PREX2: variants seen among roughly 807,000 people sequenced by gnomAD.
PREX2 encodes phosphatidylinositol 3,4,5-trisphosphate-dependent Rac exchanger 2 protein.
A neutral mutation model predicts 203.2 loss-of-function variants in PREX2; 107 were observed. The observed-to-expected ratio is 0.53, with a 90% CI of 0.45 to 0.62. PREX2 has a LOEUF of 0.62. Ranked by LOEUF, PREX2 falls within the 20% of genes least tolerant of loss-of-function variation. The pLI is 0.00. For synonymous variants in PREX2, 672 were observed against 663.6 expected, an observed-to-expected ratio of 1.01 and a Z score of -0.19; for missense variants, 1,777 against 1,955.9, an observed-to-expected ratio of 0.91 and a Z score of 1.72.
At chr8:68,188,788 C>T (rs1812239838) in intron 35 of PREX2, among the ~76,000 whole-genome samples, 1 of 152,036 alleles carries the variant, frequency 6.6e-6, no homozygotes, top group African/African-American at 2.4e-5. Flanking sequence ...TCCATCTGGC[C>T]CCACCCTTGA....
chr8:68,191,744 A>G lies in PREX2; in HGVS notation c.4369A>G (p.Asn1457Asp). The G allele has an allele frequency of 6.2e-7, 1 of 1,611,054 alleles. No individual in the cohort carries two copies. Reference sequence around the variant, plus strand: ...CAGGGCATTCTACTTGGACAAGTCAAATTCACCACCAAACTCCACATCCAA... The same window carrying G: ...CAGGGCATTCTACTTGGACAAGTCAGATTCACCACCAAACTCCACATCCAA... The part of the protein sequence containing the change: ...KLRAFYLDKS[N>D]SPPNSTSKAA... Residue 1457 changes from asparagine (N) to aspartate (D), a missense_variant, in exon 36 of 40, where the codon AAT becomes GAT. Coordinates refer to ENST00000288368, the MANE Select transcript of PREX2 (RefSeq NM_024870.4).
At chr8:68,060,275 T>G (rs1345419182) in intron 10 of PREX2, among the ~76,000 whole-genome samples, 1 of 152,214 alleles carries the variant, frequency 6.6e-6, no homozygotes, top group Non-Finnish European at 1.5e-5. Flanking sequence ...TAGCTCTTTA[T>G]ATTAAGTTAT....
intron 8 of PREX2, among the ~76,000 whole-genome samples, chr8:68,052,099 GAACAA>G (rs1808541625): frequency 6.6e-6 from 1 of 152,086 alleles, no homozygotes. Flanking sequence ...AGAAAAAAAA[GAACAA>G]AACAAGCAAA....
intron 23 of PREX2, chr8:68,106,247 T>A: frequency 2.1e-6 from 1 of 482,362 alleles, no homozygotes; most frequent in South Asian, 1.6e-5. Context: ...GGGTGCCTTG[T>A]GAGACTTTTA....
chr8:68,089,935 A>G (rs1809817241), intron 19 of PREX2, among the ~76,000 whole-genome samples: 1 of 152,224 alleles, frequency 6.6e-6, no homozygotes. Flanking sequence ...CTCACTGGTT[A>G]GGATATGTTA....
At chr8:68,209,788 C>G (rs1167974282) in intron 37 of PREX2, among the ~76,000 whole-genome samples, 2 of 152,116 alleles carry the variant, frequency 1.3e-5, no homozygotes. Context: ...GCAAGTGAAT[C>G]AAAATGAGTT....
chr8:68,124,414 C>T (rs573610510), intron 30 of PREX2, among the ~76,000 whole-genome samples: 1 of 152,042 alleles, frequency 6.6e-6, no homozygotes, highest in Non-Finnish European at 1.5e-5. Flanking sequence ...CACATGTTCT[C>T]ATTTATAAGT....
intron 35 of PREX2, among the ~76,000 whole-genome samples, chr8:68,159,924 T>C (rs1811622430): frequency 6.6e-6 from 1 of 152,144 alleles, no homozygotes; most frequent in Non-Finnish European, 1.5e-5. Flanking sequence ...AAAAGTATAC[T>C]TCACCCAATT....
chr8:68,225,033 T>G (rs1280909130), intron 39 of PREX2, among the ~76,000 whole-genome samples: 2 of 152,100 alleles, frequency 1.3e-5, no homozygotes, highest in Admixed American at 6.5e-5. Flanking sequence ...GATGTCATTT[T>G]CTCCTTGGAG....
intron 22 of PREX2, among the ~76,000 whole-genome samples, chr8:68,097,442 A>AG (rs1352819583): frequency 1.3e-5 from 2 of 151,748 alleles, no homozygotes; most frequent in African/African-American, 4.8e-5. Flanking sequence ...CTCATGCCTC[A>AG]GTCTCCCAAG....
chr8:68,062,886 A>T lies in PREX2; in HGVS notation c.1339+2107A>T, dbSNP rs571977558. 1.5e-4 allele frequency among the ~76,000 whole-genome samples: 23 copies of T among 152,190 alleles called. No homozygotes were observed. In the East Asian group the frequency reaches 1.5e-3, roughly 10 times the overall value. On this transcript the variant is annotated intron_variant, in intron 11 of 39. Coordinates refer to ENST00000288368, the MANE Select transcript of PREX2 (RefSeq NM_024870.4). ...CAATAAAAATATAAGCACCATCCAA[A>T]CAAGAGCCTCACTTGTTATTATATA... is the stretch of plus-strand genomic sequence containing the variant.
chr8:68,219,921 T>C (rs1812921266), intron 38 of PREX2, among the ~76,000 whole-genome samples: 1 of 152,202 alleles, frequency 6.6e-6, no homozygotes, highest in African/African-American at 2.4e-5. Context: ...TACTTAACCA[T>C]TTAGACTCAG....
chr8:68,026,545 A>G (rs1263534327), intron 4 of PREX2, among the ~76,000 whole-genome samples: 1 of 151,906 alleles, frequency 6.6e-6, no homozygotes, highest in Non-Finnish European at 1.5e-5. Context: ...TTTTCTCTTG[A>G]CCACCACTTT....
chr8:67,968,300 G>A (rs1055918244), intron 1 of PREX2, among the ~76,000 whole-genome samples: 1 of 152,078 alleles, frequency 6.6e-6, no homozygotes, highest in Admixed American at 6.5e-5. Context: ...CTGGAACGTC[G>A]GCTCTTGACT....
intron 31 of PREX2, among the ~76,000 whole-genome samples, chr8:68,129,326 A>G (rs901778160): frequency 6.6e-6 from 1 of 152,092 alleles, no homozygotes; most frequent in East Asian, 1.9e-4. Flanking sequence ...GCTCTGGTAG[A>G]TTTTTATTTT....
At chr8:68,084,224 CTATT>C (rs1302922052) in intron 18 of PREX2, among the ~76,000 whole-genome samples, 10 of 152,002 alleles carry the variant, frequency 6.6e-5, no homozygotes, top group South Asian at 6.2e-4. Context: ...TTTGTACAAA[CTATT>C]TAGCATAATA....
chr8:68,232,457 T>C lies in PREX2; in HGVS notation c.*1079T>C, dbSNP rs1401319577. Reference sequence around the variant, plus strand: ...ATATGTAATGTTTATCATTTCTACATTGATGCAATAACATTGTTTTTAGCA... The same window carrying C: ...ATATGTAATGTTTATCATTTCTACACTGATGCAATAACATTGTTTTTAGCA... On this transcript the variant is annotated 3_prime_UTR_variant, in exon 40 of 40. Coordinates refer to ENST00000288368, the MANE Select transcript of PREX2 (RefSeq NM_024870.4). 1.3e-5 allele frequency: 2 copies of C among 152,198 alleles called. No homozygotes were observed. The highest frequency in any genetic ancestry group is 2.9e-5 in the Non-Finnish European group (2 of 68,030). The allele number at this position is 152,198 out of a possible 1,614,324, so 9.4% of individuals were successfully genotyped here. A position where few individuals can be genotyped will look rare whatever the true frequency, so the allele number is the denominator to read the frequency against.
intron 26 of PREX2, among the ~76,000 whole-genome samples, chr8:68,117,665 A>G (rs1810684544): frequency 6.6e-6 from 1 of 152,224 alleles, no homozygotes; most frequent in Non-Finnish European, 1.5e-5. Context: ...TTCTGAGAGG[A>G]AAGAAAATAC....
chr8:68,184,189 CA>C (rs1812141895), intron 35 of PREX2, among the ~76,000 whole-genome samples: 1 of 152,000 alleles, frequency 6.6e-6, no homozygotes, highest in Admixed American at 6.6e-5. Context: ...ATTCTTTAAC[CA>C]CATGTGGCCG....
Sources: gnomAD v4.1 joint callset for allele counts (sites outside exome capture counted in the v4.1 genomes callset) on GRCh38, gnomAD v4.1.1 for gene constraint, MANE v1.5 for transcripts, NCBI Gene and HGNC (gene_info 2026-07-23, HGNC 2026-07-21) for gene names.